IL13RA1: variants seen among roughly 807,000 people sequenced by gnomAD.
IL13RA1 encodes the protein interleukin 13 receptor subunit alpha 1, also known as interleukin-13 receptor subunit alpha-1.
A neutral mutation model predicts 33.8 loss-of-function variants in IL13RA1; 14 were observed. The observed-to-expected ratio is 0.41, with a 90% CI of 0.27 to 0.65. The LOEUF is 0.65. Among genes scored for constraint, IL13RA1 ranks in the 30% least tolerant of loss-of-function variants. IL13RA1 has a pLI of 0.28. For missense variants in IL13RA1, 313 were observed against 327.0 expected, an observed-to-expected ratio of 0.96 and a Z score of 0.33; for synonymous variants, 116 against 115.7, an observed-to-expected ratio of 1.00 and a Z score of -0.02.
chrX:118,748,476 C>T (rs981592976), intron 3 of IL13RA1, among the ~76,000 whole-genome samples: 8 of 107,489 alleles, frequency 7.4e-5, no homozygotes, highest in Non-Finnish European at 1.5e-4. Context: ...CCAGCCTGGT[C>T]AACATGGAGA....
chrX:118,780,039 C>G (rs1410877459), intron 10 of IL13RA1, among the ~76,000 whole-genome samples: 1 of 111,863 alleles, frequency 8.9e-6, no homozygotes, highest in Admixed American at 9.5e-5. Flanking sequence ...CCATTAAAAG[C>G]ACAAGGTATT....
At chrX:118,765,153 A>G (rs1397099666) in intron 6 of IL13RA1, among the ~76,000 whole-genome samples, 2 of 111,073 alleles carry the variant, frequency 1.8e-5, no homozygotes, top group Non-Finnish European at 3.8e-5. Flanking sequence ...AGTGCAGTGC[A>G]GTGGCGCAAT....
intron 10 of IL13RA1, among the ~76,000 whole-genome samples, chrX:118,781,595 G>C (rs1364541423): frequency 8.9e-6 from 1 of 112,434 alleles, no homozygotes; most frequent in Non-Finnish European, 1.9e-5. Context: ...CAGGTGGTCC[G>C]CCCGCCTTGG....
chrX:118,777,568 A>T (rs1266023914), intron 10 of IL13RA1, among the ~76,000 whole-genome samples: 2 of 111,792 alleles, frequency 1.8e-5, no homozygotes, highest in South Asian at 3.7e-4. Context: ...TGGATAATTT[A>T]AAAAACTTGA....
intron 9 of IL13RA1, among the ~76,000 whole-genome samples, chrX:118,775,751 C>T (rs1380123964): frequency 9.0e-6 from 1 of 110,880 alleles, no homozygotes; most frequent in Non-Finnish European, 1.9e-5. Context: ...GTGAGGAGAG[C>T]TGGGTTTGAG....
intron 10 of IL13RA1, among the ~76,000 whole-genome samples, chrX:118,782,630 C>T (rs919443173): frequency 9.1e-6 from 1 of 109,539 alleles, no homozygotes; most frequent in Non-Finnish European, 1.9e-5. Context: ...CAGCGTCTCA[C>T]TGTGTTGCCC....
At chrX:118,749,222 T>C (rs1179050582) in intron 3 of IL13RA1, among the ~76,000 whole-genome samples, 1 of 112,471 alleles carries the variant, frequency 8.9e-6, no homozygotes, top group Non-Finnish European at 1.9e-5. Context: ...GGCTGAATGT[T>C]TATTTTTTAA....
At chrX:118,794,577 G>A (rs1000014765), downstream of IL13RA1, 1 of 111,788 alleles carries the variant, frequency 8.9e-6, no homozygotes, top group African/African-American at 3.3e-5. Context: ...AATGGTGGGA[G>A]GTAGAGAAAA....
intron 9 of IL13RA1, among the ~76,000 whole-genome samples, chrX:118,775,113 G>T (rs747521080): frequency 9.0e-5 from 10 of 111,414 alleles, no homozygotes; most frequent in Non-Finnish European, 1.7e-4. Flanking sequence ...GATAGGAGGT[G>T]CATTTTATGT....
At chrX:118,773,451 A>G (rs1215828604) in intron 8 of IL13RA1, among the ~76,000 whole-genome samples, 1 of 112,058 alleles carries the variant, frequency 8.9e-6, no homozygotes, top group Non-Finnish European at 1.9e-5. Context: ...AGATCGTGCT[A>G]TTGCACTCCA....
chrX:118,792,308 TG>T lies in IL13RA1; in HGVS notation c.*455del, dbSNP rs1279269248. On this transcript the variant is annotated 3_prime_UTR_variant, in exon 11 of 11. Transcript: ENST00000371666. The stretch of plus-strand genomic sequence containing the variant: ...AAAATGGATAAAATCTGATATGTAT[TG>T]TTTGGGATCCTATTGAACCATGTTT... The T allele has an allele frequency of 8.8e-6, 1 of 112,999 alleles. No homozygotes were observed. Among genetic ancestry groups the T allele is most frequent in the Admixed American group, 9.4e-5 (1 of 10,643 alleles). 9.3% of individuals were successfully genotyped at this position (112,999 alleles called of 1,213,427 possible).
chrX:118,752,078 C>G (rs1337943571), intron 4 of IL13RA1, among the ~76,000 whole-genome samples: 1 of 109,798 alleles, frequency 9.1e-6, no homozygotes, highest in Non-Finnish European at 1.9e-5. Context: ...TTTTTCCCCC[C>G]CTGATGTAAA....
At chrX:118,784,077 C>CAA (rs376419026) in intron 10 of IL13RA1, among the ~76,000 whole-genome samples, 10 of 25,324 alleles carry the variant, frequency 3.9e-4, no homozygotes, top group East Asian at 1.5e-3. Context: ...ACTCTGTCGC[C>CAA]AAAAAAAAAA....
chrX:118,803,148 T>C, the IL13RA1 span, among the ~76,000 whole-genome samples: 2 of 112,457 alleles, frequency 1.8e-5, no homozygotes, highest in Non-Finnish European at 3.8e-5. Flanking sequence ...TCTTTGCTAA[T>C]GTAGCCAAGG....
intron 10 of IL13RA1, among the ~76,000 whole-genome samples, chrX:118,782,086 C>G (rs1281415919): frequency 9.6e-6 from 1 of 104,563 alleles, no homozygotes; most frequent in Non-Finnish European, 2.0e-5. Context: ...TTTTTTTTTT[C>G]TTTTGAGACA....
the IL13RA1 span, among the ~76,000 whole-genome samples, chrX:118,801,548 C>T: frequency 8.9e-6 from 1 of 112,217 alleles, no homozygotes; most frequent in Non-Finnish European, 1.9e-5. Flanking sequence ...CTCCCATGTT[C>T]CCTTTATTTG....
At chrX:118,765,363 G>C (rs1649986510) in intron 6 of IL13RA1, among the ~76,000 whole-genome samples, 2 of 109,775 alleles carry the variant, frequency 1.8e-5, no homozygotes, top group Admixed American at 2.0e-4. Flanking sequence ...ACCCTCCTCA[G>C]CCTCCCAAAG....
chrX:118,800,708 G>C, the IL13RA1 span, among the ~76,000 whole-genome samples: 12 of 111,513 alleles, frequency 1.1e-4, no homozygotes, highest in African/African-American at 2.9e-4. Flanking sequence ...GGGCTGAAGT[G>C]ATCATCCCAC....
At chrX:118,789,509 T>C (rs1243753902) in intron 10 of IL13RA1, among the ~76,000 whole-genome samples, 2 of 112,039 alleles carry the variant, frequency 1.8e-5, no homozygotes, top group Non-Finnish European at 3.8e-5. Flanking sequence ...TTCCCAAGTT[T>C]ATTGGCTTGA....
Sources: gnomAD v4.1 joint callset for allele counts (sites outside exome capture counted in the v4.1 genomes callset) on GRCh38, gnomAD v4.1.1 for gene constraint, MANE v1.5 for transcripts, NCBI Gene and HGNC (gene_info 2026-07-23, HGNC 2026-07-21) for gene names.